USP26: variants seen among roughly 807,000 people sequenced by gnomAD.
The protein encoded by USP26 is ubiquitin carboxyl-terminal hydrolase 26.
For missense variants in USP26, 649 were observed against 642.3 expected (o/e 1.01, Z -0.11); for synonymous variants, 236 against 240.6 (o/e 0.98, Z 0.18).
intron 4 of USP26, among the ~76,000 whole-genome samples, chrX:133,085,097 T>G (rs1002038566): frequency 1.8e-5 from 2 of 111,406 alleles, no homozygotes; most frequent in African/African-American, 3.3e-5. Flanking sequence ...CCTGGCTAAT[T>G]TTTGTATTTT....
At chrX:133,053,723 G>A (rs1217333846) in intron 5 of USP26, among the ~76,000 whole-genome samples, 3 of 111,242 alleles carry the variant, frequency 2.7e-5, no homozygotes, top group Non-Finnish European at 5.7e-5. Context: ...CACAAAGCAG[G>A]GAGATCTCTT....
chrX:133,027,623 A>C lies in USP26; in HGVS notation c.598T>G (p.Ser200Ala). ...MNEEFLKENN[S>A]VEYKKSKADC... ...GCCTTGGATTTCTTGTATTCTACAG[A>C]ATTATTTTCTTTCAAGAATTCCTCA... Residue 200 changes from serine (S) to alanine (A), a missense_variant, in exon 6 of 6, where the codon TCT (serine) becomes GCT (alanine). By Grantham distance (99) the Ser-to-Ala change is moderately conservative. Coordinates refer to ENST00000511190, the MANE Select transcript of USP26 (RefSeq NM_031907.3). The C allele has an allele frequency of 8.3e-7, 1 of 1,209,185 alleles. No individual in the cohort carries two copies. The highest frequency in any genetic ancestry group is 3.0e-5 in the East Asian group (1 of 33,757).
rs2067361081 is a variant in USP26, at chrX:133,027,968, C to T, written c.253G>A (p.Gly85Arg). 2 of 1,211,180 alleles carry T rather than the reference C, an allele frequency of 1.7e-6. No individual in the cohort carries two copies. The highest frequency in any genetic ancestry group is 3.5e-5 in the African/African-American group (2 of 57,750). The change falls in exon 6 of 6, where the codon GGA becomes AGA. Residue 85 changes from glycine to arginine, a missense_variant. Physicochemically the swap from Gly to Arg is moderately radical, Grantham distance 125. Coordinates refer to ENST00000511190, the MANE Select transcript of USP26 (RefSeq NM_031907.3). The stretch of plus-strand genomic sequence containing the variant: ...TGTTCAGCATCTGTGGAGGATAATC[C>T]TTCAATAAACAAGCCATTATTATTT... Reference protein sequence around the residue: ...LQNNNGLFIEGLSSTDAEQLK... With the variant: ...LQNNNGLFIERLSSTDAEQLK...
At position 133,083,779 on chromosome X, in the gene USP26, G is replaced by C. The variant is rs540794985; in HGVS notation, c.-141-8C>G. 1.8e-5 allele frequency: 2 copies of C among 111,852 alleles called. No homozygotes were observed. Among genetic ancestry groups the C allele is most frequent in the Non-Finnish European group, 3.8e-5 (2 of 53,263 alleles). 9.2% of individuals were successfully genotyped at this position (111,852 alleles called of 1,213,427 possible). ...AAAGCAGAAACAGGGAATCTGTTGG[G>C]AAGAGGTCAAAATTAGGGGAAAAAA... is the stretch of plus-strand genomic sequence containing the variant. On this transcript the variant is annotated splice_polypyrimidine_tract_variant and splice_region_variant and intron_variant, in intron 4 of 5. Coordinates refer to ENST00000511190, the MANE Select transcript of USP26 (RefSeq NM_031907.3).
In USP26 at chrX:133,052,382, A is replaced by T. The variant is rs1337403259; in HGVS notation, c.-76-24086T>A. Among the ~76,000 whole-genome samples, 3 of 112,360 alleles carry T rather than the reference A, an allele frequency of 2.7e-5. 1 individual carries two copies. The Admixed American group carries it at 2.8e-4, about 11-fold the overall frequency. ...CATTTAAGTGGGTCTCAATGTTTAC[A>T]GGGCTTTAAAACCATTTGAAGAAAC... On this transcript the variant is annotated intron_variant, in intron 5 of 5. Transcript: ENST00000511190.
intron 3 of USP26, 89 bp from the exon 4 acceptor site, chrX:133,090,315 G>A (rs1457597811): frequency 1.8e-5 from 2 of 111,907 alleles, no homozygotes; most frequent in Non-Finnish European, 3.8e-5. Flanking sequence ...CAATCCAAGA[G>A]GAAATTTACA....
chrX:133,037,396 T>A (rs2067399740), intron 5 of USP26, among the ~76,000 whole-genome samples: 1 of 112,477 alleles, frequency 8.9e-6, no homozygotes, highest in Admixed American at 9.4e-5. Context: ...TGCATATGGC[T>A]AGCCAGTTTT....
intron 5 of USP26, among the ~76,000 whole-genome samples, chrX:133,041,518 G>A (rs1175425947): frequency 8.9e-6 from 1 of 112,089 alleles, no homozygotes; most frequent in Non-Finnish European, 1.9e-5. Context: ...GGTATCACCA[G>A]TGGAGGTTGC....
intron 5 of USP26, among the ~76,000 whole-genome samples, chrX:133,047,866 G>A (rs2148529795): frequency 9.0e-6 from 1 of 111,712 alleles, no homozygotes; most frequent in South Asian, 3.9e-4. Flanking sequence ...AAACTTCCCA[G>A]TCTCCAGAAC....
chrX:133,066,322 C>T (rs1022803131), intron 5 of USP26, among the ~76,000 whole-genome samples: 2 of 111,672 alleles, frequency 1.8e-5, no homozygotes, highest in Non-Finnish European at 3.8e-5. Context: ...AAATTCAATG[C>T]TATTTCCATC....
chrX:133,076,205 T>C (rs895281128), intron 5 of USP26, among the ~76,000 whole-genome samples: 2 of 111,635 alleles, frequency 1.8e-5, no homozygotes, highest in African/African-American at 6.5e-5. Context: ...CTTGGTGCTC[T>C]AGATGCTATG....
chrX:133,093,707 GCAGTGGCTCACGT>G (rs1279986219), intron 1 of USP26, among the ~76,000 whole-genome samples: 1 of 110,922 alleles, frequency 9.0e-6, no homozygotes, highest in East Asian at 2.8e-4. Context: ...TAAGCCAGGT[GCAGTGGCTCACGT>G]CTATAATCTG....
At chrX:133,082,405 A>G (rs1388829119) in intron 5 of USP26, among the ~76,000 whole-genome samples, 2 of 112,037 alleles carry the variant, frequency 1.8e-5, no homozygotes, top group Non-Finnish European at 3.8e-5. Flanking sequence ...AGAGAACCAC[A>G]TCTTAAAGCC....
rs1055113156 is a variant in USP26, at chrX:133,026,572, T to C, written c.1649A>G (p.His550Arg). The change falls in exon 6 of 6, where the codon CAT becomes CGT. Residue 550 changes from histidine to arginine, a missense_variant. By Grantham distance (29) the His-to-Arg change is conservative. Coordinates refer to ENST00000511190, the MANE Select transcript of USP26 (RefSeq NM_031907.3). ...IISKYLKVSS[H>R]CNEGTRPPLP... ...AGGTGGTCTGGTGCCTTCATTGCAA[T>C]GAGAAGACACCTTTAAATATTTGGA... 14 of 1,206,363 alleles carry C rather than the reference T, an allele frequency of 1.2e-5. No individual in the cohort carries two copies. Among genetic ancestry groups the C allele is most frequent in the Non-Finnish European group, 1.6e-5 (14 of 894,315 alleles).
At chrX:133,086,766 T>C (rs1203969352) in intron 4 of USP26, among the ~76,000 whole-genome samples, 1 of 109,294 alleles carries the variant, frequency 9.1e-6, no homozygotes, top group Non-Finnish European at 1.9e-5. Context: ...ACAAAAAAAT[T>C]AGCCAGGCAT....
intron 4 of USP26, among the ~76,000 whole-genome samples, chrX:133,088,269 G>A (rs1035353000): frequency 1.8e-5 from 2 of 111,507 alleles, no homozygotes; most frequent in Non-Finnish European, 3.8e-5. Context: ...CAGTTTTGTG[G>A]AAGACAAATT....
intron 5 of USP26, among the ~76,000 whole-genome samples, chrX:133,043,782 C>A (rs1278529963): frequency 1.8e-5 from 2 of 111,767 alleles, no homozygotes; most frequent in African/African-American, 6.5e-5. Context: ...GTGGCATGTT[C>A]CTGTAGTCCT....
At chrX:133,043,606 C>A in intron 5 of USP26, among the ~76,000 whole-genome samples, 1 of 112,409 alleles carries the variant, frequency 8.9e-6, no homozygotes, top group Non-Finnish European at 1.9e-5. Context: ...TGGGGCTTGT[C>A]CCATATCAAG....
chrX:133,048,615 C>T (rs753037158), intron 5 of USP26, among the ~76,000 whole-genome samples: 2 of 108,636 alleles, frequency 1.8e-5, no homozygotes, highest in Admixed American at 9.8e-5. Context: ...GGCACAATCT[C>T]GGCTCACTGC....
Sources: gnomAD v4.1 joint callset for allele counts (sites outside exome capture counted in the v4.1 genomes callset) on GRCh38, gnomAD v4.1.1 for gene constraint, MANE v1.5 for transcripts, NCBI Gene and HGNC (gene_info 2026-07-23, HGNC 2026-07-21) for gene names.